CEP192: variants seen among roughly 807,000 people sequenced by gnomAD.
The protein encoded by CEP192 is centrosomal protein of 192 kDa.
A neutral mutation model predicts 271.8 loss-of-function variants in CEP192; 151 were observed. The ratio of observed to expected loss-of-function variants is 0.56; its 90% confidence interval spans 0.49 to 0.64. CEP192 has a LOEUF of 0.64. Ranked by LOEUF, CEP192 falls within the 30% of genes least tolerant of loss-of-function variation. CEP192 has a pLI of 0.00. For missense variants in CEP192, 2,910 were observed against 3,020.5 expected (o/e 0.96, Z 0.86); for synonymous variants, 995 against 1,076.5 (o/e 0.92, Z 1.48).
At chr18:12,992,408 C>T (rs1189482845) in intron 1 of CEP192, among the ~76,000 whole-genome samples, 4 of 152,092 alleles carry the variant, frequency 2.6e-5, no homozygotes, top group Non-Finnish European at 1.5e-5. Context: ...ATACATAGAC[C>T]TACGATTAAT....
intron 8 of CEP192, among the ~76,000 whole-genome samples, 198 bp from the exon 9 acceptor site, chr18:13,018,884 T>C (rs1437664038): frequency 6.6e-6 from 1 of 152,158 alleles, no homozygotes; most frequent in Non-Finnish European, 1.5e-5. Flanking sequence ...ATGAATTCTT[T>C]GGGTATGGTA....
chr18:13,080,559 G>T (rs571727107), intron 30 of CEP192, among the ~76,000 whole-genome samples: 3 of 150,974 alleles, frequency 2.0e-5, no homozygotes, highest in African/African-American at 7.3e-5. Flanking sequence ...GGGTTTTCTA[G>T]ATATACAATC....
chr18:12,999,017 G>A (rs1036342824), intron 1 of CEP192, among the ~76,000 whole-genome samples: 5 of 152,096 alleles, frequency 3.3e-5, no homozygotes, highest in African/African-American at 7.2e-5. Context: ...TTTCTGTTCC[G>A]TATTAGAATG....
chr18:13,009,345 T>G (rs1203510512), intron 4 of CEP192, among the ~76,000 whole-genome samples: 2 of 152,226 alleles, frequency 1.3e-5, no homozygotes, highest in Non-Finnish European at 2.9e-5. Flanking sequence ...TACTTTATAT[T>G]CAAGACAAGC....
In CEP192 at chr18:13,116,392, T is replaced by C. The variant is rs2040430949; in HGVS notation, c.7305T>C (p.Thr2435=). ...SARIPEQLDV[T]ARGVYAPEDV... is the part of the protein sequence containing the mutation. The stretch of plus-strand genomic sequence containing the variant: ...CCCAAAGCAGGCAGCTTGATGTGAC[T>C]GCTCGTGGAGTTTATGCCCCAGAGG... Residue 2435 remains threonine, a synonymous_variant, in exon 43 of 45, where the codon ACT becomes ACC. Transcript: ENST00000506447. 2.5e-6 allele frequency: 4 copies of C among 1,612,058 alleles called. No individual in the cohort carries two copies. In the South Asian group the frequency reaches 3.3e-5, roughly 13 times the overall value.
At chr18:13,086,991 AT>A in intron 30 of CEP192, 25 bp from the exon 31 acceptor site, 2 of 1,526,236 alleles carry the variant, frequency 1.3e-6, no homozygotes, top group Non-Finnish European at 1.8e-6. Context: ...CATTAAAATA[AT>A]TTTGGATATG....
chr18:13,078,329 T>G (rs1043461207), intron 30 of CEP192, among the ~76,000 whole-genome samples: 2 of 152,186 alleles, frequency 1.3e-5, no homozygotes, highest in African/African-American at 4.8e-5. Context: ...ATCCAGTCTA[T>G]CATTGATGGG....
Position 13,124,774 on chromosome 18 carries a change from G to T in CEP192, c.*4G>T, listed in dbSNP as rs777243766. ...TGAAGCTCTTGGAAAAAATTAACTA[G>T]AATACATTTTTGTGTAAAGTAAATT... is the stretch of plus-strand genomic sequence containing the variant. On this transcript the variant is annotated 3_prime_UTR_variant, in exon 45 of 45. Transcript: ENST00000506447. 3.1e-6 allele frequency: 5 copies of T among 1,595,864 alleles called. No individual in the cohort carries two copies. The highest frequency in any genetic ancestry group is 1.7e-4 in the Middle Eastern group (1 of 5,988).
chr18:13,109,945 A>G (rs924107885), intron 40 of CEP192, among the ~76,000 whole-genome samples: 8 of 152,226 alleles, frequency 5.3e-5, no homozygotes, highest in African/African-American at 1.9e-4. Flanking sequence ...GAATGACTTA[A>G]GTATCAAAGA....
chr18:13,087,088 C>T lies in CEP192; in HGVS notation c.5688C>T (p.Tyr1896=), dbSNP rs147986327. The change falls in exon 31 of 45, where the codon TAC becomes TAT. Residue 1896 remains tyrosine (Y), a synonymous_variant. Coordinates refer to ENST00000506447, the MANE Select transcript of CEP192 (RefSeq NM_032142.4). ...GCGTTAAAAAATTATCTGACAGTTACATGGTAACAGTGAATGGCTTAGTAC... is the reference window on the plus strand; with the variant it reads ...GCGTTAAAAAATTATCTGACAGTTATATGGTAACAGTGAATGGCTTAGTAC... ...LEGVKKLSDS[Y]MVTVNGLVPG... 32 of 1,613,300 alleles carry T rather than the reference C, an allele frequency of 2.0e-5. No homozygotes were observed. The highest frequency in any genetic ancestry group is 2.1e-5 in the Non-Finnish European group (25 of 1,179,376).
intron 11 of CEP192, among the ~76,000 whole-genome samples, chr18:13,034,443 C>A (rs2035801796): frequency 1.3e-5 from 2 of 152,110 alleles, no homozygotes; most frequent in Non-Finnish European, 2.9e-5. Context: ...AGGGTGTAAT[C>A]TTGTAACGTC....
chr18:13,069,057 C>G (rs112715845), intron 25 of CEP192, 32 bp from the exon 26 acceptor site: 1 of 1,613,900 alleles, frequency 6.2e-7, no homozygotes, highest in Non-Finnish European at 8.5e-7. Context: ...TGTGACAGTT[C>G]GTTGAAATGT....
intron 1 of CEP192, among the ~76,000 whole-genome samples, chr18:12,994,863 C>A (rs1405107094): frequency 6.6e-6 from 1 of 152,064 alleles, no homozygotes; most frequent in African/African-American, 2.4e-5. Context: ...AGGTCAGAAT[C>A]CTGGGTAACC....
At chr18:13,043,704 A>G (rs2036328426) in intron 15 of CEP192, among the ~76,000 whole-genome samples, 1 of 152,230 alleles carries the variant, frequency 6.6e-6, no homozygotes, top group Non-Finnish European at 1.5e-5. Context: ...TTTATGGAGC[A>G]GTAAAATTGA....
intron 34 of CEP192, among the ~76,000 whole-genome samples, chr18:13,094,885 C>G (rs3786160): frequency 6.6e-6 from 1 of 152,044 alleles, no homozygotes; most frequent in African/African-American, 2.4e-5. Flanking sequence ...CCATTATCTT[C>G]AATATATTTA....
rs781345533 is a variant in CEP192, at chr18:13,056,295, C to T, written c.3705C>T (p.Ser1235=). Residue 1235 remains serine (S), a synonymous_variant, in exon 19 of 45, where the codon AGC becomes AGT. Transcript: ENST00000506447. The part of the protein sequence containing the change: ...CTPIPSSTVH[S]SVADMQNMPA... ...CTATTCCCAGCAGCACAGTTCACAG[C>T]TCTGTGGCTGACATGCAGAACATGC... 1.2e-6 allele frequency: 2 copies of T among 1,614,050 alleles called. No individual in the cohort carries two copies. Among genetic ancestry groups the T allele is most frequent in the Non-Finnish European group, 1.7e-6 (2 of 1,179,926 alleles).
intron 14 of CEP192, 41 bp from the exon 15 acceptor site, chr18:13,042,161 AAT>A (rs1332218782): frequency 2.0e-6 from 3 of 1,537,740 alleles, no homozygotes; most frequent in South Asian, 1.2e-5. Context: ...GTGTTTGTCA[AAT>A]AGTGTATACT....
In CEP192 at chr18:13,089,580, G is replaced by A. The variant is rs142403592; in HGVS notation, c.6103+15G>A. ...AGTAACTGAAGGTAAGAATTCCGGCGTGTCTTGATGTATTAAATCTTTTGG... is the reference window on the plus strand; with the variant it reads ...AGTAACTGAAGGTAAGAATTCCGGCATGTCTTGATGTATTAAATCTTTTGG... On this transcript the variant is annotated intron_variant, in intron 33 of 44. Transcript: ENST00000506447. The A allele has an allele frequency of 1.3e-3, 1,606 of 1,196,784 alleles. 21 individuals are homozygous for A. The African/African-American group carries it at 0.02, about 15-fold the overall frequency. 74.1% of individuals were successfully genotyped at this position (1,196,784 alleles called of 1,614,324 possible).
intron 44 of CEP192, among the ~76,000 whole-genome samples, chr18:13,123,769 AAAAC>A (rs1481077146): frequency 3.9e-5 from 6 of 152,208 alleles, no homozygotes; most frequent in African/African-American, 1.4e-4. Flanking sequence ...TTTAGGGACA[AAAAC>A]AAACCCCCTA....
Sources: allele counts gnomAD v4.1 joint callset (sites outside exome capture counted in the v4.1 genomes callset), GRCh38; gene constraint gnomAD v4.1.1; transcripts MANE v1.5; gene names NCBI Gene and HGNC (gene_info 2026-07-23, HGNC 2026-07-21).